Variants in MYLK4 observed in about 807,000 individuals in gnomAD.
The protein encoded by MYLK4 is myosin light chain kinase family member 4.
A neutral mutation model predicts 48.1 loss-of-function variants in MYLK4; 46 were observed. The ratio of observed to expected loss-of-function variants is 0.96; its 90% confidence interval spans 0.75 to 1.22. The LOEUF (loss-of-function observed/expected upper bound fraction) is 1.22. Ranked by LOEUF, MYLK4 falls within the 50% of genes most tolerant of loss-of-function variation. The probability of loss-of-function intolerance (pLI) is 0.00; values close to 1 mark genes in which losing one functional copy is unlikely to be tolerated. For synonymous variants in MYLK4, 170 were observed against 180.8 expected (o/e 0.94, Z 0.48); for missense variants, 451 against 486.1 (o/e 0.93, Z 0.68).
At chr6:2,688,981 G>C in intron 3 of MYLK4, 25 bp from the exon 4 acceptor site, 1 of 1,593,532 alleles carries the variant, frequency 6.3e-7, no homozygotes, top group Non-Finnish European at 8.6e-7. Flanking sequence ...AAACAGAAGG[G>C]CAATCTGTCA....
chr6:2,683,268 G>T, intron 6 of MYLK4, 106 bp from the exon 7 acceptor site: 2 of 1,214,954 alleles, frequency 1.6e-6, no homozygotes, highest in Non-Finnish European at 2.3e-6. Context: ...TCTGAAAGGT[G>T]TATGTGCAGT....
intron 4 of MYLK4, among the ~76,000 whole-genome samples, chr6:2,688,557 C>T (rs1012106184): frequency 1.3e-5 from 2 of 152,196 alleles, no homozygotes; most frequent in Non-Finnish European, 2.9e-5. Flanking sequence ...TCTTCTGTCT[C>T]CTGGAGGCTG....
intron 3 of MYLK4, among the ~76,000 whole-genome samples, chr6:2,691,588 G>C (rs1366320562): frequency 6.6e-6 from 1 of 152,180 alleles, no homozygotes; most frequent in Non-Finnish European, 1.5e-5. Flanking sequence ...GAGTAGGTAA[G>C]CTTTTTCAGA....
chr6:2,756,404 T>G, the MYLK4 span, among the ~76,000 whole-genome samples: 3 of 152,218 alleles, frequency 2.0e-5, no homozygotes, highest in African/African-American at 7.2e-5. Flanking sequence ...TTCCTTACTT[T>G]CAGTACTGTT....
chr6:2,739,383 C>G (rs1300844304), intron 2 of MYLK4, among the ~76,000 whole-genome samples: 4 of 152,196 alleles, frequency 2.6e-5, no homozygotes, highest in African/African-American at 9.7e-5. Flanking sequence ...GTCCATCTGA[C>G]TTTTCCCGGA....
At chr6:2,723,835 C>G (rs912181800) in intron 2 of MYLK4, among the ~76,000 whole-genome samples, 1 of 151,960 alleles carries the variant, frequency 6.6e-6, no homozygotes, top group Non-Finnish European at 1.5e-5. Context: ...TTTCTAATGC[C>G]CTTCACAACG....
chr6:2,688,921 G>T lies in MYLK4; in HGVS notation c.271C>A (p.Arg91Ser), dbSNP rs183151380. The change falls in exon 4 of 13, where the codon CGT becomes AGT. Residue 91 changes from arginine to serine, a missense_variant. Transcript: ENST00000274643. ...GCTCCTTGCTTGGCTGTCACAATAC[G>T]ATGATCAAATGGGGCCGGAGGAGCC... is the stretch of plus-strand genomic sequence containing the variant. ...IPAPPAPFDH[R>S]IVTAKQGAVN... 2.4e-5 allele frequency: 38 copies of T among 1,614,192 alleles called. No homozygotes were observed. In the East Asian group the frequency reaches 5.3e-4, roughly 23 times the overall value.
In MYLK4 at chr6:2,692,225, A is replaced by C. The variant is rs1192946100; in HGVS notation, c.235+559T>G. ...TCCTGTGTATTCAGGCTCTCTGTGC[A>C]TGAAATGTCTGTTCCATCTATATTC... On this transcript the variant is annotated intron_variant, in intron 3 of 12. Transcript: ENST00000274643. Among the ~76,000 whole-genome samples, 6 of 152,218 alleles carry C rather than the reference A, an allele frequency of 3.9e-5. No homozygotes were observed. In the East Asian group the frequency reaches 1.2e-3, roughly 29 times the overall value.
chr6:2,682,321 T>C (rs1189860953), intron 7 of MYLK4, among the ~76,000 whole-genome samples: 2 of 152,182 alleles, frequency 1.3e-5, no homozygotes, highest in African/African-American at 4.8e-5. Context: ...AGGTCTTTTA[T>C]TGGTTGTAAC....
the MYLK4 span, among the ~76,000 whole-genome samples, chr6:2,761,684 G>A: frequency 4.6e-5 from 7 of 152,240 alleles, no homozygotes; most frequent in Middle Eastern, 3.4e-3. Context: ...GCTTGCCCAA[G>A]GTCACACTAT....
At chr6:2,675,021 G>A in intron 11 of MYLK4, 26 bp downstream of exon 11, 1 of 1,557,340 alleles carries the variant, frequency 6.4e-7, no homozygotes, top group Non-Finnish European at 8.9e-7. Context: ...AGGAGAAAAA[G>A]AGGAAGAGCA....
At chr6:2,729,787 AC>A (rs1377325693) in intron 2 of MYLK4, among the ~76,000 whole-genome samples, 2 of 151,956 alleles carry the variant, frequency 1.3e-5, no homozygotes, top group African/African-American at 2.4e-5. Context: ...CCTACAAAGA[AC>A]CCTGTTAGGA....
chr6:2,689,025 G>T (rs903561330), intron 3 of MYLK4, 69 bp from the exon 4 acceptor site: 2 of 1,216,114 alleles, frequency 1.6e-6, no homozygotes, highest in Non-Finnish European at 2.4e-6. Context: ...GCAAGCCTGG[G>T]CCTCATAGTA....
intron 2 of MYLK4, among the ~76,000 whole-genome samples, chr6:2,741,415 A>T (rs80316779): frequency 0.03 from 4,515 of 152,306 alleles, 229 homozygotes; most frequent in African/African-American, 0.1. Context: ...GAAATGGCAT[A>T]AAACTATCAT....
chr6:2,752,104 C>T (rs13204159), upstream of MYLK4, among the ~76,000 whole-genome samples: 15,776 of 152,218 alleles, frequency 0.1, 889 homozygotes, highest in South Asian at 0.17. Context: ...ACCACCACCA[C>T]GCAAAAGCAG....
At chr6:2,691,412 T>C (rs1208729013) in intron 3 of MYLK4, among the ~76,000 whole-genome samples, 1 of 152,218 alleles carries the variant, frequency 6.6e-6, no homozygotes, top group Non-Finnish European at 1.5e-5. Context: ...ATAGATACTG[T>C]GATATGTGAT....
chr6:2,741,035 A>G (rs182688340), intron 2 of MYLK4, among the ~76,000 whole-genome samples: 260 of 152,372 alleles, frequency 1.7e-3, no homozygotes, highest in Admixed American at 2.9e-3. Flanking sequence ...TTAGAAATCT[A>G]TAAATAAAAC....
At chr6:2,701,512 C>G (rs2113215076) in intron 2 of MYLK4, among the ~76,000 whole-genome samples, 1 of 152,302 alleles carries the variant, frequency 6.6e-6, no homozygotes, top group Non-Finnish European at 1.5e-5. Context: ...CTGCATCTTC[C>G]CCTACACAGG....
chr6:2,770,048 G>A, the MYLK4 span: 2 of 1,592,670 alleles, frequency 1.3e-6, no homozygotes, highest in Non-Finnish European at 1.7e-6. Context: ...GGAAGGGATA[G>A]CCAACTTACA....
Sources: gnomAD v4.1 joint callset for allele counts (sites outside exome capture counted in the v4.1 genomes callset) on GRCh38, gnomAD v4.1.1 for gene constraint, MANE v1.5 for transcripts, NCBI Gene and HGNC (gene_info 2026-07-23, HGNC 2026-07-21) for gene names.